RUFY3: variants seen among roughly 807,000 people sequenced by gnomAD.
RUFY3 encodes the protein protein RUFY3.
RUFY3 carries 34 observed loss-of-function variants against 84.0 expected under a neutral mutation model. That is an observed-to-expected ratio of 0.40 (90% CI 0.31 to 0.54). The LOEUF (loss-of-function observed/expected upper bound fraction) is 0.54. Among genes scored for constraint, RUFY3 ranks in the 20% least tolerant of loss-of-function variants. The pLI is 0.39. For synonymous variants in RUFY3, 242 were observed against 252.9 expected (o/e 0.96, Z 0.41); for missense variants, 507 against 736.8 (o/e 0.69, Z 3.61).
intron 1 of RUFY3, chr4:70,741,616 C>G (rs1306148133): frequency 6.6e-7 from 1 of 1,516,076 alleles, no homozygotes; most frequent in Admixed American, 2.1e-5. Context: ...TTCTTTTTGC[C>G]GTTTGCAAAG....
At position 70,722,285 on chromosome 4, in the gene RUFY3, A is replaced by G; in HGVS notation, c.-289A>G. 1 of 1,233,940 alleles carries G rather than the reference A, an allele frequency of 8.1e-7. No homozygotes were observed. 76.4% of individuals were successfully genotyped at this position (1,233,940 alleles called of 1,614,324 possible). A position where few individuals can be genotyped will look rare whatever the true frequency, so the allele number is the denominator to read the frequency against. On this transcript the variant is annotated 5_prime_UTR_variant, in exon 1 of 18. Coordinates refer to ENST00000381006, the MANE Select transcript of RUFY3 (RefSeq NM_001037442.4). ...AAAAAGGTGGGGGGCAGGGAAGGGA[A>G]GATAAAAGGAGAGGAAGCTGGGAGA...
rs779419538 is a variant in RUFY3, at chr4:70,779,584, CT to C, written c.894+1163del. Reference sequence around the variant, plus strand: ...GAGTTTACCTTCCTTATTTCTTTTTCTTTTTTTTTTTTTTTTTCTGAGATAG... The same window carrying C: ...GAGTTTACCTTCCTTATTTCTTTTTCTTTTTTTTTTTTTTTTCTGAGATAG... On this transcript the variant is annotated intron_variant, in intron 8 of 17. Transcript: ENST00000381006. Among the ~76,000 whole-genome samples the C allele has an allele frequency of 8.1e-3, 1,053 of 130,452 alleles. 7 individuals are homozygous for C. The highest frequency in any genetic ancestry group is 0.014 in the African/African-American group (511 of 35,696). 85.6% of individuals were successfully genotyped at this position (130,452 alleles called of 152,430 possible). A position where few individuals can be genotyped will look rare whatever the true frequency, so the allele number is the denominator to read the frequency against.
chr4:70,757,470 G>T (rs540520576), intron 1 of RUFY3, among the ~76,000 whole-genome samples: 4 of 152,178 alleles, frequency 2.6e-5, no homozygotes, highest in Admixed American at 2.0e-4. Flanking sequence ...CGCACGTGGT[G>T]GCACATGCCT....
At position 70,787,214 on chromosome 4, in the gene RUFY3, A is replaced by ATAT. The variant is rs757534627; in HGVS notation, c.1072-1592_1072-1591insTAT. Among the ~76,000 whole-genome samples the ATAT allele has an allele frequency of 4.1e-3, 544 of 131,250 alleles. 2 individuals are homozygous for ATAT. The highest frequency in any genetic ancestry group is 0.022 in the East Asian group (79 of 3,638). The allele number at this position is 131,250 out of a possible 152,430, so 86.1% of individuals were successfully genotyped here. On this transcript the variant is annotated intron_variant, in intron 10 of 17. Coordinates refer to ENST00000381006, the MANE Select transcript of RUFY3 (RefSeq NM_001037442.4). ...TATATATATATATATATATATATAT[A>ATAT]AAAACAAATTGACAGTATATAACAT...
At chr4:70,740,209 G>A (rs959792449) in intron 1 of RUFY3, among the ~76,000 whole-genome samples, 1 of 152,126 alleles carries the variant, frequency 6.6e-6, no homozygotes, top group Non-Finnish European at 1.5e-5. Flanking sequence ...AAGGTAAAGT[G>A]GAGAACAGCT....
intron 14 of RUFY3, among the ~76,000 whole-genome samples, chr4:70,799,084 G>T (rs1375327063): frequency 6.7e-6 from 1 of 149,840 alleles, no homozygotes; most frequent in Non-Finnish European, 1.5e-5. Context: ...GGCAGAGGCT[G>T]CAGTGAGCCG....
chr4:70,744,501 A>G (rs932650816), intron 1 of RUFY3, among the ~76,000 whole-genome samples: 5 of 151,956 alleles, frequency 3.3e-5, no homozygotes, highest in South Asian at 2.1e-4. Context: ...GAACCCGGCT[A>G]TAGTTTGCTT....
intron 12 of RUFY3, among the ~76,000 whole-genome samples, chr4:70,790,239 A>G (rs1730582681): frequency 6.6e-6 from 1 of 151,816 alleles, no homozygotes; most frequent in Non-Finnish European, 1.5e-5. Flanking sequence ...TTCCTATGCT[A>G]CTCTCTTTCT....
intron 1 of RUFY3, among the ~76,000 whole-genome samples, chr4:70,743,262 G>T (rs1166983098): frequency 6.6e-6 from 1 of 151,878 alleles, no homozygotes; most frequent in Non-Finnish European, 1.5e-5. Flanking sequence ...AGTAGAGACG[G>T]GGTTTCAACA....
chr4:70,707,464 T>C (rs1215471287), intron 1 of RUFY3, among the ~76,000 whole-genome samples: 2 of 152,214 alleles, frequency 1.3e-5, no homozygotes, highest in East Asian at 1.9e-4. Flanking sequence ...CAGGCTGTTA[T>C]CGAACTCCTG....
exon 1 of RUFY3, chr4:70,705,282 A>G (rs1234821251): frequency 1.4e-5 from 20 of 1,428,228 alleles, no homozygotes; most frequent in Admixed American, 2.7e-5. Context: ...CAGCAGCGGC[A>G]GCGGCAAGCA....
At chr4:70,710,600 G>A (rs577903978) in intron 1 of RUFY3, among the ~76,000 whole-genome samples, 1 of 152,180 alleles carries the variant, frequency 6.6e-6, no homozygotes, top group African/African-American at 2.4e-5. Flanking sequence ...AACCCGGGAG[G>A]TAGAGGTTGT....
chr4:70,802,709 A>G (rs1375353053), intron 15 of RUFY3, among the ~76,000 whole-genome samples: 1 of 152,236 alleles, frequency 6.6e-6, no homozygotes, highest in Non-Finnish European at 1.5e-5. Flanking sequence ...ATAACTTCAA[A>G]TCTATTTTTA....
At chr4:70,751,144 G>A (rs550249531) in intron 1 of RUFY3, among the ~76,000 whole-genome samples, 1 of 152,272 alleles carries the variant, frequency 6.6e-6, no homozygotes, top group African/African-American at 2.4e-5. Flanking sequence ...GTGATGCTGA[G>A]ATTTGGGGTA....
upstream of RUFY3, chr4:70,721,834 A>C (rs1290828987): frequency 4.0e-5 from 39 of 985,046 alleles, no homozygotes; most frequent in Non-Finnish European, 4.7e-5. Flanking sequence ...ACAGTCTGGA[A>C]GTGGGTTGTA....
chr4:70,724,449 A>G (rs975607738), intron 1 of RUFY3, among the ~76,000 whole-genome samples: 4 of 152,244 alleles, frequency 2.6e-5, no homozygotes, highest in African/African-American at 9.6e-5. Flanking sequence ...TCCTATGGAT[A>G]AGCAAAAGTG....
At chr4:70,789,028 C>A in intron 11 of RUFY3, 55 bp downstream of exon 11, 1 of 1,578,276 alleles carries the variant, frequency 6.3e-7, no homozygotes, top group South Asian at 1.1e-5. Flanking sequence ...TGGGGCTTCC[C>A]TCCTCCCATC....
rs1578152890 is a variant in RUFY3, at chr4:70,769,927, A to G, written c.696+1266A>G. ...AACCTCCGCCTCCTGGGCTCAAGCA[A>G]TCCTCATGCCTCATCCTCCTGAGTA... On this transcript the variant is annotated intron_variant, in intron 5 of 17. Transcript: ENST00000381006. Among the ~76,000 whole-genome samples, 4 of 152,130 alleles carry G rather than the reference A, an allele frequency of 2.6e-5. No homozygotes were observed. In the East Asian group the frequency reaches 5.8e-4, roughly 22 times the overall value.
In RUFY3 at chr4:70,780,159, C is replaced by T. The variant is rs529382170; in HGVS notation, c.894+1721C>T. On this transcript the variant is annotated intron_variant, in intron 8 of 17. Coordinates refer to ENST00000381006, the MANE Select transcript of RUFY3 (RefSeq NM_001037442.4). ...TGGAATGTTCAGCACAGATTTTTTA[C>T]TGTTATTCTGCTGCTACTATGTTGA... is the stretch of plus-strand genomic sequence containing the variant. Among the ~76,000 whole-genome samples the T allele has an allele frequency of 1.1e-4, 17 of 152,246 alleles. 1 individual carries two copies. Among genetic ancestry groups the T allele is most frequent in the African/African-American group, 3.9e-4 (16 of 41,548 alleles).
Sources: allele counts gnomAD v4.1 joint callset (sites outside exome capture counted in the v4.1 genomes callset), GRCh38; gene constraint gnomAD v4.1.1; transcripts MANE v1.5; gene names NCBI Gene and HGNC (gene_info 2026-07-23, HGNC 2026-07-21).